Variants in FARP1 observed in about 807,000 individuals in gnomAD.
FARP1 encodes FERM, ARH/RhoGEF and pleckstrin domain protein 1, also known as FERM, ARHGEF and pleckstrin domain-containing protein 1.
FARP1 carries 52 observed loss-of-function variants against 128.8 expected under a neutral mutation model. That is an observed-to-expected ratio of 0.40 (90% CI 0.32 to 0.51). FARP1 has a LOEUF of 0.51. Ranked by LOEUF, FARP1 falls within the 20% of genes least tolerant of loss-of-function variation. The pLI is 0.45. For synonymous variants in FARP1, 580 were observed against 551.8 expected (o/e 1.05, Z -0.72); for missense variants, 1,333 against 1,367.9 (o/e 0.97, Z 0.40).
intron 2 of FARP1, among the ~76,000 whole-genome samples, chr13:98,245,853 C>T (rs1883019900): frequency 1.3e-5 from 2 of 151,936 alleles, no homozygotes; most frequent in Non-Finnish European, 2.9e-5. Flanking sequence ...ACAGCAACCT[C>T]CGCCTCCCGG....
intron 9 of FARP1, among the ~76,000 whole-genome samples, chr13:98,388,982 C>T (rs572836219): frequency 1.3e-5 from 2 of 152,212 alleles, no homozygotes; most frequent in African/African-American, 4.8e-5. Context: ...AGGACTGGGA[C>T]GGGAAGGGAG....
intron 3 of FARP1, among the ~76,000 whole-genome samples, chr13:98,353,710 T>G (rs952375966): frequency 3.7e-4 from 57 of 152,190 alleles, no homozygotes; most frequent in African/African-American, 1.2e-3. Flanking sequence ...CTGTTTATTT[T>G]AATATTAAAT....
chr13:98,253,399 G>C (rs778327048), intron 2 of FARP1, among the ~76,000 whole-genome samples: 1 of 152,116 alleles, frequency 6.6e-6, no homozygotes, highest in Non-Finnish European at 1.5e-5. Flanking sequence ...CATAGCAACC[G>C]CATGAGTCAG....
At chr13:98,353,847 C>T (rs1055763272) in intron 3 of FARP1, among the ~76,000 whole-genome samples, 20 of 152,152 alleles carry the variant, frequency 1.3e-4, no homozygotes, top group Non-Finnish European at 2.1e-4. Flanking sequence ...GAGGGTAGAT[C>T]TCATGTTAAC....
intron 2 of FARP1, among the ~76,000 whole-genome samples, chr13:98,317,537 C>T (rs1886774147): frequency 6.6e-6 from 1 of 152,168 alleles, no homozygotes; most frequent in Non-Finnish European, 1.5e-5. Context: ...TCCTTATAGT[C>T]CAAGACCCTT....
At chr13:98,185,576 C>T (rs1043180957) in intron 1 of FARP1, among the ~76,000 whole-genome samples, 1 of 151,798 alleles carries the variant, frequency 6.6e-6, no homozygotes, top group African/African-American at 2.4e-5. Flanking sequence ...TGATACCATT[C>T]CTGGGAAGCA....
chr13:98,157,852 T>C (rs997127887), intron 1 of FARP1, among the ~76,000 whole-genome samples: 2 of 152,220 alleles, frequency 1.3e-5, no homozygotes, highest in Non-Finnish European at 2.9e-5. Context: ...TAAGATGAAC[T>C]CTCTTAAGTG....
chr13:98,225,817 GA>G (rs1413496060), intron 2 of FARP1, among the ~76,000 whole-genome samples: 1 of 152,178 alleles, frequency 6.6e-6, no homozygotes, highest in African/African-American at 2.4e-5. Context: ...TAAAATGCTG[GA>G]TCCAGGGGCC....
chr13:98,299,714 T>G (rs1885845274), intron 2 of FARP1, among the ~76,000 whole-genome samples: 1 of 152,186 alleles, frequency 6.6e-6, no homozygotes, highest in South Asian at 2.1e-4. Flanking sequence ...TTTAATCACT[T>G]TATTTGAGAG....
chr13:98,338,122 T>C (rs1464643829), intron 2 of FARP1, among the ~76,000 whole-genome samples: 2 of 152,222 alleles, frequency 1.3e-5, no homozygotes, highest in African/African-American at 2.4e-5. Context: ...TTTTTTAAAT[T>C]GTGGTAAAAC....
chr13:98,337,667 C>G (rs1594418597), intron 2 of FARP1, among the ~76,000 whole-genome samples: 2 of 151,356 alleles, frequency 1.3e-5, no homozygotes, highest in South Asian at 4.2e-4. Context: ...GTTCTGTCAG[C>G]TTAATCTGTG....
intron 1 of FARP1, among the ~76,000 whole-genome samples, chr13:98,206,366 T>C (rs1880267935): frequency 6.6e-6 from 1 of 152,226 alleles, no homozygotes; most frequent in South Asian, 2.1e-4. Context: ...TCTCATTTCA[T>C]ATCAATCTCA....
rs930824997 is a variant in FARP1, at chr13:98,449,235, G to A, written c.*918G>A. 4 of 152,206 alleles carry A rather than the reference G, an allele frequency of 2.6e-5. No individual in the cohort carries two copies. Among genetic ancestry groups the A allele is most frequent in the African/African-American group, 7.2e-5 (3 of 41,420 alleles). 9.4% of individuals were successfully genotyped at this position (152,206 alleles called of 1,614,324 possible). ...TATGAAATCATGGTACGTAGTCCCC[G>A]GCACCTGTCGTTATTCCTATATCCT... On this transcript the variant is annotated 3_prime_UTR_variant, in exon 27 of 27. Coordinates refer to ENST00000319562, the MANE Select transcript of FARP1 (RefSeq NM_005766.4).
intron 2 of FARP1, among the ~76,000 whole-genome samples, chr13:98,274,255 CAG>C (rs1884529709): frequency 6.6e-6 from 1 of 151,976 alleles, no homozygotes; most frequent in Admixed American, 6.6e-5. Context: ...CCAGGTTATA[CAG>C]AGAGATTCCC....
At chr13:98,312,250 C>T (rs1406085608) in intron 2 of FARP1, among the ~76,000 whole-genome samples, 5 of 149,112 alleles carry the variant, frequency 3.4e-5, no homozygotes, top group Admixed American at 1.4e-4. Context: ...ATGCCATTCT[C>T]CTGCCTCAGC....
At chr13:98,213,728 G>A (rs2139328522) in intron 2 of FARP1, among the ~76,000 whole-genome samples, 1 of 152,256 alleles carries the variant, frequency 6.6e-6, no homozygotes, top group Non-Finnish European at 1.5e-5. Flanking sequence ...TATGTAACTG[G>A]AGGGAAGAGT....
chr13:98,408,322 CTTTTTTTTTTTT>C (rs34532263), intron 13 of FARP1, among the ~76,000 whole-genome samples: 5 of 90,164 alleles, frequency 5.5e-5, no homozygotes, highest in South Asian at 3.8e-4. Context: ...GTAATATATA[CTTTTTTTTTTTT>C]TTTTTTTTTT....
At chr13:98,252,551 G>C (rs1411221661) in intron 2 of FARP1, among the ~76,000 whole-genome samples, 2 of 152,264 alleles carry the variant, frequency 1.3e-5, no homozygotes, top group Non-Finnish European at 2.9e-5. Flanking sequence ...CCTGGTGGCA[G>C]ATGGTCTGGC....
intron 16 of FARP1, among the ~76,000 whole-genome samples, chr13:98,412,680 A>C (rs1343838276): frequency 1.3e-5 from 2 of 152,256 alleles, no homozygotes; most frequent in Non-Finnish European, 2.9e-5. Flanking sequence ...TGAAACATTA[A>C]TGTGAGAGAA....
Sources: allele counts gnomAD v4.1 joint callset (sites outside exome capture counted in the v4.1 genomes callset), GRCh38; gene constraint gnomAD v4.1.1; transcripts MANE v1.5; gene names NCBI Gene and HGNC (gene_info 2026-07-23, HGNC 2026-07-21).